Variants in TRPV4 observed in about 807,000 individuals in gnomAD.
TRPV4 encodes transient receptor potential cation channel subfamily V member 4, also known as OSM9-like transient receptor potential channel 4.
Under a neutral mutation model 84.1 loss-of-function variants are expected in TRPV4, and 58 were observed. That is an observed-to-expected ratio of 0.69 (90% CI 0.56 to 0.86). The LOEUF (loss-of-function observed/expected upper bound fraction) is 0.86, where lower values mean the gene tolerates loss of function less well. Ranked by LOEUF, TRPV4 falls within the 40% of genes least tolerant of loss-of-function variation. The pLI, the probability that TRPV4 is intolerant of heterozygous loss-of-function variation, is 0.00. For synonymous variants in TRPV4, 489 were observed against 500.9 expected, an observed-to-expected ratio of 0.98 and a Z score of 0.32; for missense variants, 879 against 1,181.1, an observed-to-expected ratio of 0.74 and a Z score of 3.75.
chr12:109,804,877 G>A (rs534899363), intron 3 of TRPV4, among the ~76,000 whole-genome samples: 1 of 152,254 alleles, frequency 6.6e-6, no homozygotes, highest in South Asian at 2.1e-4. Flanking sequence ...ATTTCAGACT[G>A]CAATAGACCA....
chr12:109,831,619 T>C (rs1038005794), intron 1 of TRPV4, among the ~76,000 whole-genome samples: 8 of 152,204 alleles, frequency 5.3e-5, no homozygotes, highest in Admixed American at 3.3e-4. Flanking sequence ...AGAGGCCCAG[T>C]TGGCACCAGA....
intron 12 of TRPV4, among the ~76,000 whole-genome samples, chr12:109,791,973 G>A (rs530657222): frequency 5.9e-5 from 9 of 151,602 alleles, no homozygotes; most frequent in African/African-American, 2.2e-4. Flanking sequence ...GCTCACACCT[G>A]TAATCCCACC....
At chr12:109,808,665 G>A (rs1891298599) in intron 2 of TRPV4, among the ~76,000 whole-genome samples, 197 bp from the exon 3 acceptor site, 2 of 152,150 alleles carry the variant, frequency 1.3e-5, no homozygotes, top group African/African-American at 4.8e-5. Flanking sequence ...CCTACTGTGT[G>A]TTGGGTGGAG....
At chr12:109,809,049 TCC>T (rs1891336894) in intron 2 of TRPV4, among the ~76,000 whole-genome samples, 1 of 139,446 alleles carries the variant, frequency 7.2e-6, no homozygotes, top group African/African-American at 2.7e-5. Context: ...CATCCATCCA[TCC>T]ATCCATCACT....
intron 5 of TRPV4, among the ~76,000 whole-genome samples, 181 bp from the exon 6 acceptor site, chr12:109,799,093 A>G (rs939016183): frequency 6.6e-6 from 1 of 151,876 alleles, no homozygotes; most frequent in Non-Finnish European, 1.5e-5. Flanking sequence ...GTGGCTAGTT[A>G]AGGGCACAGC....
intron 13 of TRPV4, among the ~76,000 whole-genome samples, chr12:109,787,040 G>A (rs1046013978): frequency 6.6e-6 from 1 of 152,186 alleles, no homozygotes; most frequent in Non-Finnish European, 1.5e-5. Flanking sequence ...AGGATCAGGT[G>A]CAGAAAGGCT....
intron 2 of TRPV4, among the ~76,000 whole-genome samples, chr12:109,812,307 C>T (rs574517172): frequency 4.3e-4 from 65 of 152,204 alleles, no homozygotes; most frequent in Non-Finnish European, 8.4e-4. Flanking sequence ...CATGCTGTGG[C>T]CCCATCCAGG....
Position 109,814,687 on chromosome 12 carries a change from G to T in TRPV4, c.110C>A (p.Ala37Asp). 6.2e-7 allele frequency: 1 copy of T among 1,611,856 alleles called. No individual in the cohort carries two copies. ...GGEAFPLSSL[A>D]NLFEGEDGSL... is the part of the protein sequence containing the mutation. Reference sequence around the variant, plus strand: ...GCCATCCTCCCCCTCAAACAGATTGGCCAGGGAGGAGAGAGGAAAAGCCTC... The same window carrying T: ...GCCATCCTCCCCCTCAAACAGATTGTCCAGGGAGGAGAGAGGAAAAGCCTC... Residue 37 changes from alanine (A) to aspartate (D), a missense_variant, in exon 2 of 16, where the codon GCC becomes GAC. Physicochemically the swap from Ala to Asp is moderately radical, Grantham distance 126 (BLOSUM62 -2). This residue lies in a region of TRPV4 where 107 missense variants were observed against 99.4 expected (regional missense o/e 1.08). Transcript: ENST00000261740. This position sits in a 1 kb window ranked among gnomAD's most constrained non-coding sequence, Gnocchi z 5.4.
At chr12:109,802,617 T>A (rs1325357547) in intron 4 of TRPV4, among the ~76,000 whole-genome samples, 1 of 144,196 alleles carries the variant, frequency 6.9e-6, no homozygotes, top group Non-Finnish European at 1.5e-5. Context: ...TTATTTTATT[T>A]TTTTTTTTTT....
intron 1 of TRPV4, among the ~76,000 whole-genome samples, chr12:109,828,806 G>A (rs1268926164): frequency 6.6e-6 from 1 of 152,118 alleles, no homozygotes; most frequent in Non-Finnish European, 1.5e-5. Flanking sequence ...TGGGTAAATT[G>A]CTTCCTCTCT....
chr12:109,785,006 C>G (rs1439444838), intron 14 of TRPV4, among the ~76,000 whole-genome samples: 1 of 151,954 alleles, frequency 6.6e-6, no homozygotes, highest in African/African-American at 2.4e-5. Context: ...CTTCCATTCC[C>G]CCAAGCAGAA....
In TRPV4 at chr12:109,799,294, G is replaced by A. The variant is rs535786024; in HGVS notation, c.854-382C>T. ...CAGCCGAGTAGCTGGGATTACAGGC[G>A]CACGCCACCACACCTGGCTAATTTT... is the stretch of plus-strand genomic sequence containing the variant. On this transcript the variant is annotated intron_variant, in intron 5 of 15. Coordinates refer to ENST00000261740, the MANE Select transcript of TRPV4 (RefSeq NM_021625.5). 7.9e-5 allele frequency among the ~76,000 whole-genome samples: 12 copies of A among 152,082 alleles called. No individual in the cohort carries two copies. The South Asian group carries it at 8.3e-4, about 11-fold the overall frequency.
intron 4 of TRPV4, among the ~76,000 whole-genome samples, chr12:109,802,328 T>G: frequency 6.9e-6 from 1 of 144,640 alleles, no homozygotes. Context: ...TTGAGATGAG[T>G]CTTGCTCTTG....
At chr12:109,826,596 T>A (rs1326310520) in intron 1 of TRPV4, among the ~76,000 whole-genome samples, 1 of 152,194 alleles carries the variant, frequency 6.6e-6, no homozygotes. Flanking sequence ...CTTCCAACCA[T>A]CTGCTTTTAA....
intron 5 of TRPV4, 107 bp from the exon 6 acceptor site, chr12:109,799,019 G>A (rs1592839669): frequency 1.4e-5 from 15 of 1,091,310 alleles, no homozygotes; most frequent in East Asian, 9.7e-5. Flanking sequence ...GGATAATGAC[G>A]GAGACAGCAC....
chr12:109,820,996 C>T (rs1000599284), intron 1 of TRPV4, among the ~76,000 whole-genome samples: 3 of 152,232 alleles, frequency 2.0e-5, no homozygotes, highest in Non-Finnish European at 4.4e-5. Flanking sequence ...TCCCCATGCC[C>T]CAACTTGCGG....
chr12:109,808,536 T>G, intron 2 of TRPV4, 68 bp from the exon 3 acceptor site: 1 of 1,507,664 alleles, frequency 6.6e-7, no homozygotes, highest in Non-Finnish European at 9.0e-7. Flanking sequence ...TCCCTGGCCT[T>G]AGGGACCCAG....
At chr12:109,818,246 C>G (rs1369642542) in intron 1 of TRPV4, among the ~76,000 whole-genome samples, 5 of 152,066 alleles carry the variant, frequency 3.3e-5, no homozygotes, top group African/African-American at 9.7e-5. Flanking sequence ...CCAGGAAGCT[C>G]GGCCACCTCA....
In TRPV4 at chr12:109,796,387, C is replaced by G. The variant is rs908312787; in HGVS notation, c.1332+138G>C. The G allele has an allele frequency of 7.4e-6, 7 of 945,544 alleles. No homozygotes were observed. The highest frequency in any genetic ancestry group is 1.1e-5 in the Non-Finnish European group (7 of 614,170). 58.6% of individuals were successfully genotyped at this position (945,544 alleles called of 1,614,324 possible). On this transcript the variant is annotated intron_variant, in intron 7 of 15. Coordinates refer to ENST00000261740, the MANE Select transcript of TRPV4 (RefSeq NM_021625.5). The surrounding 1 kb of genome is among the most constrained non-coding windows in gnomAD (Gnocchi z 4.2). ...TCTGGGCACTTAGTTGGCACCTTCT[C>G]TTGCATTCAGCCAACAGACCCACCA...
Sources: gnomAD v4.1 joint callset for allele counts (sites outside exome capture counted in the v4.1 genomes callset) on GRCh38, gnomAD v4.1.1 for gene constraint, gnomAD v4.1.1 regional missense constraint, Gnocchi (gnomAD v3.1) non-coding constraint, MANE v1.5 for transcripts, NCBI Gene and HGNC (gene_info 2026-07-23, HGNC 2026-07-21) for gene names.